COL6A5: variants seen among roughly 807,000 people sequenced by gnomAD.
COL6A5 encodes collagen alpha-5(VI) chain.
Under a neutral mutation model 65.6 loss-of-function variants are expected in COL6A5, and 48 were observed. The ratio of observed to expected loss-of-function variants is 0.73; its 90% CI spans 0.58 to 0.93. The LOEUF (loss-of-function observed/expected upper bound fraction) is 0.93. Ranked by LOEUF, COL6A5 falls within the 40% of genes least tolerant of loss-of-function variation. COL6A5 has a pLI of 0.00. For missense variants in COL6A5, 914 were observed against 928.3 expected, an observed-to-expected ratio of 0.98 and a Z score of 0.20; for synonymous variants, 291 against 322.8, an observed-to-expected ratio of 0.90 and a Z score of 1.05.
chr3:130,484,378 A>G (rs1309528594), exon 8 of COL6A5: 1 of 407,170 alleles, frequency 2.5e-6, no homozygotes, highest in Non-Finnish European at 4.3e-6. Flanking sequence ...ATCTGCCTGT[A>G]AAAGATTGTC....
intron 4 of COL6A5, among the ~76,000 whole-genome samples, chr3:130,444,927 C>T (rs908151943): frequency 1.3e-5 from 2 of 152,178 alleles, no homozygotes; most frequent in African/African-American, 2.4e-5. Context: ...TATAGGAATA[C>T]GGGGTGATAC....
chr3:130,403,717 A>G, intron 13 of COL6A5, 55 bp downstream of exon 13: 1 of 1,245,238 alleles, frequency 8.0e-7, no homozygotes, highest in Non-Finnish European at 1.1e-6. Flanking sequence ...GTACACACAC[A>G]CACACACACA....
exon 8 of COL6A5, chr3:130,395,058 A>G (rs550879253): frequency 1.3e-6 from 2 of 1,551,724 alleles, no homozygotes; most frequent in African/African-American, 2.7e-5. Context: ...AGCAACTACC[A>G]GAGTATTATT....
Position 130,403,708 on chromosome 3 carries a change from TACAC to T in COL6A5, c.4281+64_4281+67del, listed in dbSNP as rs71158192. On this transcript the variant is annotated intron_variant and NMD_transcript_variant, in intron 13 of 41. Coordinates refer to the COL6A5 transcript ENST00000312481. ...CTCACCCCCTGTTGCACACACACTG[TACAC>T]ACACACACACACACACAAACACACA... is the stretch of plus-strand genomic sequence containing the variant. 1,943 of 1,212,110 alleles carry T rather than the reference TACAC, an allele frequency of 1.6e-3. 7 individuals carry two copies. Among genetic ancestry groups the T allele is most frequent in the East Asian group, 0.015 (571 of 36,970 alleles). 75.1% of individuals were successfully genotyped at this position (1,212,110 alleles called of 1,614,324 possible). A position where few individuals can be genotyped will look rare whatever the true frequency, so the allele number is the denominator to read the frequency against.
intron 1 of COL6A5, among the ~76,000 whole-genome samples, chr3:130,363,970 A>C (rs1935235428): frequency 6.6e-6 from 1 of 152,120 alleles, no homozygotes; most frequent in African/African-American, 2.4e-5. Context: ...ACAAAGAAAA[A>C]TTGTTAATTT....
chr3:130,463,106 C>A (rs1709737108), intron 5 of COL6A5, among the ~76,000 whole-genome samples: 1 of 152,052 alleles, frequency 6.6e-6, no homozygotes, highest in Admixed American at 6.6e-5. Context: ...AGCACAAGAC[C>A]CGAAGCAAAC....
chr3:130,465,875 G>A (rs953969671), intron 5 of COL6A5, among the ~76,000 whole-genome samples: 2 of 152,032 alleles, frequency 1.3e-5, no homozygotes, highest in South Asian at 4.2e-4. Context: ...AATAGAATTT[G>A]CAGGGTTGAA....
intron 1 of COL6A5, among the ~76,000 whole-genome samples, chr3:130,437,052 C>T (rs1709050493): frequency 6.6e-6 from 1 of 152,082 alleles, no homozygotes; most frequent in African/African-American, 2.4e-5. Context: ...ACTTGTACAA[C>T]GTACAGCCCT....
intron 3 of COL6A5, among the ~76,000 whole-genome samples, chr3:130,441,295 A>G (rs564267702): frequency 3.9e-5 from 6 of 152,226 alleles, no homozygotes; most frequent in Non-Finnish European, 8.8e-5. Context: ...CTTACTGAGG[A>G]TATCTAGGGT....
At chr3:130,390,833 C>G (rs1936370240) in intron 6 of COL6A5, among the ~76,000 whole-genome samples, 2 of 152,194 alleles carry the variant, frequency 1.3e-5, no homozygotes, top group Admixed American at 1.3e-4. Context: ...TGGCATGGAA[C>G]TAGCTTCTAA....
chr3:130,470,900 A>G lies in COL6A5; in HGVS notation c.2263A>G (p.Met755Val), dbSNP rs1448169796. The change falls in exon 7 of 8, where the codon ATG becomes GTG. Residue 755 changes from methionine (M) to valine (V), a missense_variant. Met to Val is a conservative substitution (Grantham distance 21). Coordinates refer to ENST00000512836, the Ensembl canonical transcript of COL6A5. Reference sequence around the variant, plus strand: ...CATCAACAAATATCCCACCGAAGATATGAAAGCCACATGTGTTAACATGAC... The same window carrying G: ...CATCAACAAATATCCCACCGAAGATGTGAAAGCCACATGTGTTAACATGAC... 3 of 1,612,480 alleles carry G rather than the reference A, an allele frequency of 1.9e-6. No homozygotes were observed. The highest frequency in any genetic ancestry group is 1.1e-5 in the South Asian group (1 of 90,926).
At chr3:130,456,600 C>T (rs2107601525) in intron 5 of COL6A5, among the ~76,000 whole-genome samples, 1 of 152,158 alleles carries the variant, frequency 6.6e-6, no homozygotes, top group Non-Finnish European at 1.5e-5. Flanking sequence ...TATACACCTA[C>T]TCTATATCCA....
chr3:130,413,479 G>A (rs1286428308), intron 20 of COL6A5, 66 bp from the exon 21 acceptor site: 1 of 1,414,494 alleles, frequency 7.1e-7, no homozygotes, highest in African/African-American at 1.4e-5. Flanking sequence ...GAAAGAGGCT[G>A]ATTTGCCTCA....
chr3:130,426,236 A>T (rs1426560994), exon 30 of COL6A5: 2 of 1,551,248 alleles, frequency 1.3e-6, no homozygotes, highest in Admixed American at 2.0e-5. Context: ...ATGGCAGGGC[A>T]GCCTGTATAT....
chr3:130,424,520 T>C lies in COL6A5; in HGVS notation c.5163+620T>C, dbSNP rs1483443877. Reference sequence around the variant, plus strand: ...AGCACAGTCAGGTGAGAATTAAATATTGCGAGCACCTGTGTTTTGTGGTGG... The same window carrying C: ...AGCACAGTCAGGTGAGAATTAAATACTGCGAGCACCTGTGTTTTGTGGTGG... On this transcript the variant is annotated intron_variant and NMD_transcript_variant, in intron 29 of 41. Transcript: ENST00000312481. Among the ~76,000 whole-genome samples the C allele has an allele frequency of 2.6e-5, 4 of 152,112 alleles. No homozygotes were observed. The East Asian group carries it at 7.7e-4, about 29-fold the overall frequency.
intron 7 of COL6A5, 91 bp downstream of exon 7, chr3:130,391,845 A>G (rs923866812): frequency 1.0e-6 from 1 of 957,116 alleles, no homozygotes; most frequent in Non-Finnish European, 1.5e-6. Context: ...GATTACCTGG[A>G]TGTTATGGAC....
At chr3:130,409,952 T>G in intron 18 of COL6A5, 57 bp from the exon 19 acceptor site, 2 of 1,240,336 alleles carry the variant, frequency 1.6e-6, no homozygotes, top group Non-Finnish European at 2.3e-6. Flanking sequence ...TCATACCGTT[T>G]TGGGGAAAAA....
chr3:130,465,137 G>A (rs551888238), intron 5 of COL6A5, among the ~76,000 whole-genome samples: 2 of 152,202 alleles, frequency 1.3e-5, no homozygotes, highest in African/African-American at 4.8e-5. Context: ...TTATAGCCTT[G>A]AGTGTTTTCA....
In COL6A5 at chr3:130,433,814, T is replaced by G. The variant is rs140926262; in HGVS notation, c.487+1865T>G. On this transcript the variant is annotated intron_variant, in intron 1 of 7. Transcript: ENST00000512836. ...GTTTTGATTATATTCCTGTGTGAGG[T>G]TAAACATTTTTTCATATGTTTATTG... Among the ~76,000 whole-genome samples the G allele has an allele frequency of 4.4e-3, 675 of 152,310 alleles. 2 individuals are homozygous for G. The highest frequency in any genetic ancestry group is 0.01 in the Middle Eastern group (3 of 294).
Sources: gnomAD v4.1 joint callset for allele counts (sites outside exome capture counted in the v4.1 genomes callset) on GRCh38, gnomAD v4.1.1 for gene constraint, MANE v1.5 for transcripts, NCBI Gene and HGNC (gene_info 2026-07-23, HGNC 2026-07-21) for gene names.